LINGO2: variants seen among roughly 807,000 people sequenced by gnomAD.
LINGO2 encodes the protein leucine rich repeat and Ig domain containing 2, also known as leucine-rich repeat and immunoglobulin-like domain-containing nogo receptor-interacting protein 2.
In LINGO2, 14 loss-of-function variants were observed where a neutral mutation model predicts 30.6. That is an observed-to-expected ratio of 0.46 (90% CI 0.30 to 0.72). The LOEUF is 0.72. Among genes scored for constraint, LINGO2 ranks in the 30% least tolerant of loss-of-function variants. LINGO2 has a pLI of 0.07. For missense variants in LINGO2, 729 were observed against 751.7 expected (o/e 0.97, Z 0.35); for synonymous variants, 317 against 288.5 (o/e 1.10, Z -1.00).
chr9:28,886,914 G>A, the LINGO2 span, among the ~76,000 whole-genome samples: 24 of 152,182 alleles, frequency 1.6e-4, no homozygotes, highest in South Asian at 1.2e-3. Context: ...TTAGAGCTTC[G>A]TCAAGTTAAT....
chr9:28,579,186 C>A (rs547660117), intron 1 of LINGO2, among the ~76,000 whole-genome samples: 2 of 152,012 alleles, frequency 1.3e-5, no homozygotes, highest in African/African-American at 4.8e-5. Context: ...AGGTGAGAAT[C>A]CTGAGAATTA....
chr9:28,670,951 T>C (rs935387231), upstream of LINGO2, among the ~76,000 whole-genome samples: 2 of 152,172 alleles, frequency 1.3e-5, no homozygotes, highest in Non-Finnish European at 2.9e-5. Context: ...CTCAAACTTT[T>C]ACAGTTTCAA....
intron 4 of LINGO2, among the ~76,000 whole-genome samples, chr9:28,289,757 T>C (rs1823649008): frequency 6.6e-6 from 1 of 152,212 alleles, no homozygotes; most frequent in South Asian, 2.1e-4. Flanking sequence ...ATTGCTTAAT[T>C]AGCTACTCTT....
chr9:28,257,088 C>G (rs1336544495), intron 4 of LINGO2, among the ~76,000 whole-genome samples: 4 of 147,992 alleles, frequency 2.7e-5, no homozygotes, highest in Admixed American at 1.3e-4. Context: ...TTTTAAGTTA[C>G]TTTTAGTTTT....
intron 5 of LINGO2, among the ~76,000 whole-genome samples, chr9:27,981,578 A>G (rs1345355385): frequency 2.7e-5 from 4 of 148,866 alleles, no homozygotes; most frequent in Non-Finnish European, 6.0e-5. Flanking sequence ...AAGAAAAAAA[A>G]AAGAAAAAAA....
chr9:28,479,911 GTATA>G (rs58972403), intron 1 of LINGO2, among the ~76,000 whole-genome samples: 2,082 of 49,556 alleles, frequency 0.042, 47 homozygotes, highest in Non-Finnish European at 0.05. Flanking sequence ...ATATACGTAG[GTATA>G]TATATATATA....
At chr9:28,177,596 C>T (rs1396509364) in intron 4 of LINGO2, among the ~76,000 whole-genome samples, 1 of 152,086 alleles carries the variant, frequency 6.6e-6, no homozygotes, top group African/African-American at 2.4e-5. Flanking sequence ...GAATGTAAAG[C>T]TTGGCATAGT....
At chr9:28,379,166 T>C (rs1821241329) in intron 2 of LINGO2, among the ~76,000 whole-genome samples, 1 of 152,202 alleles carries the variant, frequency 6.6e-6, no homozygotes, top group African/African-American at 2.4e-5. Context: ...TGCCATAAAG[T>C]CTTTCATATG....
At chr9:28,131,935 G>C (rs1487390643) in intron 4 of LINGO2, among the ~76,000 whole-genome samples, 2 of 152,150 alleles carry the variant, frequency 1.3e-5, no homozygotes, top group East Asian at 3.8e-4. Context: ...CATTGTGGTA[G>C]AAATAACATA....
At chr9:28,666,950 C>A (rs534426055) in intron 1 of LINGO2, among the ~76,000 whole-genome samples, 8 of 152,042 alleles carry the variant, frequency 5.3e-5, no homozygotes, top group Admixed American at 4.6e-4. Context: ...ATTAAAATCA[C>A]TTTAAATTAA....
intron 4 of LINGO2, among the ~76,000 whole-genome samples, chr9:28,088,209 C>T (rs200977543): frequency 1.6e-3 from 2 of 1,270 alleles, no homozygotes; most frequent in African/African-American, 2.8e-3. Context: ...ATTATACACA[C>T]ACACACACAC....
At chr9:27,976,345 A>G (rs1163958912) in intron 5 of LINGO2, among the ~76,000 whole-genome samples, 1 of 152,094 alleles carries the variant, frequency 6.6e-6, no homozygotes, top group Non-Finnish European at 1.5e-5. Flanking sequence ...TTTAATAAGC[A>G]TGCAGGTATA....
chr9:28,554,812 G>A (rs1314015624), intron 1 of LINGO2, among the ~76,000 whole-genome samples: 1 of 143,858 alleles, frequency 7.0e-6, no homozygotes, highest in Non-Finnish European at 1.5e-5. Flanking sequence ...TCAGACCACA[G>A]TGCAAAACTA....
intron 2 of LINGO2, among the ~76,000 whole-genome samples, chr9:28,469,796 T>C (rs1400828420): frequency 6.6e-6 from 1 of 152,168 alleles, no homozygotes; most frequent in African/African-American, 2.4e-5. Context: ...TAATTACAAC[T>C]AGACTTACTA....
At chr9:28,389,597 A>G (rs1419295506) in intron 2 of LINGO2, among the ~76,000 whole-genome samples, 1 of 152,110 alleles carries the variant, frequency 6.6e-6, no homozygotes, top group African/African-American at 2.4e-5. Flanking sequence ...CTCTTAGAGG[A>G]TTCACAGTCA....
At chr9:28,631,941 A>T (rs1001892473) in intron 1 of LINGO2, among the ~76,000 whole-genome samples, 2 of 152,202 alleles carry the variant, frequency 1.3e-5, no homozygotes, top group Non-Finnish European at 2.9e-5. Flanking sequence ...TTGAAAATAA[A>T]CTGATAATAA....
chr9:28,902,883 A>C, the LINGO2 span, among the ~76,000 whole-genome samples: 1 of 151,994 alleles, frequency 6.6e-6, no homozygotes, highest in Non-Finnish European at 1.5e-5. Flanking sequence ...AAACAGTTCT[A>C]AGTAGTAAGT....
At chr9:28,505,731 C>A (rs1414757240) in intron 1 of LINGO2, among the ~76,000 whole-genome samples, 1 of 151,828 alleles carries the variant, frequency 6.6e-6, no homozygotes, top group Non-Finnish European at 1.5e-5. Flanking sequence ...CATTTGTAAA[C>A]CCTAATTCCG....
At chr9:29,046,707 C>A in the LINGO2 span, among the ~76,000 whole-genome samples, 1 of 152,006 alleles carries the variant, frequency 6.6e-6, no homozygotes, top group African/African-American at 2.4e-5. Context: ...ATAAAGCCAC[C>A]AAAAACAATC....
Sources: gnomAD v4.1 joint callset for allele counts (sites outside exome capture counted in the v4.1 genomes callset) on GRCh38, gnomAD v4.1.1 for gene constraint, MANE v1.5 for transcripts, NCBI Gene and HGNC (gene_info 2026-07-23, HGNC 2026-07-21) for gene names.